The following TAF6 variants were observed in gnomAD, a reference collection of about 807,000 sequenced individuals.
TAF6 encodes the protein TATA-box binding protein associated factor 6.
TAF6 carries 50 observed loss-of-function variants against 73.5 expected under a neutral mutation model. That is an observed-to-expected ratio of 0.68 (90% confidence interval 0.54 to 0.86). TAF6 has a LOEUF of 0.86. TAF6 is among the 40% of genes least tolerant of loss of function. TAF6 has a pLI of 0.00. For missense variants in TAF6, 768 were observed against 899.5 expected (o/e 0.85, Z 1.87); for synonymous variants, 424 against 376.7 (o/e 1.13, Z -1.45).
chr7:100,124,732 A>G (rs1798167989), upstream of TAF6: 4 of 1,613,804 alleles, frequency 2.5e-6, no homozygotes, highest in East Asian at 2.2e-5. Context: ...TAGCATGTCT[A>G]CAGGAAACTT....
chr7:100,124,406 C>A (rs1191088563), upstream of TAF6: 1 of 803,774 alleles, frequency 1.2e-6, no homozygotes, highest in Non-Finnish European at 2.1e-6. Context: ...ACTTAGCTTC[C>A]TGGCTACCTG....
Position 100,112,919 on chromosome 7 carries a change from T to G in TAF6, c.455-2A>C. 1 of 1,611,168 alleles carries G rather than the reference T, an allele frequency of 6.2e-7. No homozygotes were observed. Among genetic ancestry groups the G allele is most frequent in the Non-Finnish European group, 8.5e-7 (1 of 1,178,460 alleles). On this transcript the variant is annotated splice_acceptor_variant, in intron 5 of 14. Transcript: ENST00000453269. LOFTEE classifies it high-confidence loss of function. Reference sequence around the variant, plus strand: ...CAGCCTTCTGTTGCTCTTTGGGAGCTGGTGGGAAAGCAGGCACAGCGGGAG... The same window carrying G: ...CAGCCTTCTGTTGCTCTTTGGGAGCGGGTGGGAAAGCAGGCACAGCGGGAG...
At chr7:100,124,408 G>A, upstream of TAF6, 1 of 815,392 alleles carries the variant, frequency 1.2e-6, no homozygotes, top group Non-Finnish European at 2.0e-6. Context: ...TTAGCTTCCT[G>A]GCTACCTGCC....
intron 13 of TAF6, 51 bp downstream of exon 13, chr7:100,108,316 A>AG: frequency 6.4e-7 from 1 of 1,550,666 alleles, no homozygotes; most frequent in Non-Finnish European, 8.7e-7. Context: ...TGTCCCACAC[A>AG]GGGGTTCTCC....
rs766556536 is a variant in TAF6 at position 100,108,509 on chromosome 7, C to T, written c.1316G>A (p.Arg439His). ...KHCAPVLAKL[R>H]PPPDNQDAYR... ...GGCGTCCTGATTGTCAGGCGGTGGG[C>T]GCAGCTTTGCCAGAACAGGAGCACA... The change falls in exon 13 of 15, where the codon CGC becomes CAC. Residue 439 changes from arginine (R) to histidine (H), a missense_variant. Arg to His is a conservative substitution (Grantham distance 29). This residue lies in a region of TAF6 where 350 missense variants were observed against 352.3 expected (regional missense o/e 0.99). Transcript: ENST00000453269. 4.2e-5 allele frequency: 67 copies of T among 1,612,404 alleles called. 1 individual carries two copies. In the South Asian group the frequency reaches 5.7e-4, roughly 14 times the overall value.
chr7:100,123,543 G>A (rs902524403), upstream of TAF6, among the ~76,000 whole-genome samples: 2 of 151,532 alleles, frequency 1.3e-5, no homozygotes, highest in East Asian at 1.9e-4. Context: ...TTTTCAAGAC[G>A]GAGTTTCACT....
intron 1 of TAF6, among the ~76,000 whole-genome samples, chr7:100,118,154 C>T (rs1329944751): frequency 6.6e-6 from 1 of 151,750 alleles, no homozygotes; most frequent in African/African-American, 2.4e-5. Flanking sequence ...GAGTTCGAGA[C>T]CACCCTGGCC....
At chr7:100,119,879 G>C, upstream of TAF6, 1 of 1,583,312 alleles carries the variant, frequency 6.3e-7, no homozygotes, top group Non-Finnish European at 8.6e-7. Context: ...GAAGGGGGTA[G>C]CCCCTATAGG....
Position 100,114,165 on chromosome 7 carries a change from G to A in TAF6, c.45C>T (p.Pro15=), listed in dbSNP as rs777080339. The change falls in exon 2 of 15, where the codon CCC becomes CCT. Residue 15 remains proline, a synonymous_variant. Coordinates refer to ENST00000453269, the MANE Select transcript of TAF6 (RefSeq NM_139315.3). ...CAGCCACCACCTTCATGGACTCCGA[G>A]GGCAGCACAGTGTTGCTAAGCTTCA... The part of the protein sequence containing the change: ...KKLKLSNTVL[P]SESMKVVAES... The A allele has an allele frequency of 7.4e-6, 12 of 1,614,116 alleles. No homozygotes were observed. The highest frequency in any genetic ancestry group is 1.0e-5 in the Non-Finnish European group (12 of 1,180,058).
rs199843455 is a variant in TAF6 at position 100,107,347 on chromosome 7, C to A, written c.1933G>T (p.Gly645Trp). The A allele has an allele frequency of 1.9e-5, 30 of 1,553,052 alleles. No individual in the cohort carries two copies. Among genetic ancestry groups the A allele is most frequent in the South Asian group, 2.4e-5 (2 of 81,908 alleles). The change falls in exon 15 of 15, where the codon GGG becomes TGG. Residue 645 changes from glycine (G) to tryptophan (W), a missense_variant. Physicochemically the swap from Gly to Trp is radical, Grantham distance 184 (BLOSUM62 -2). This residue lies in a region of TAF6 where 350 missense variants were observed against 352.3 expected (regional missense o/e 0.99). Transcript: ENST00000453269. The stretch of plus-strand genomic sequence containing the variant: ...CTGTCCCCAGCCTCCTGCTTCCCCC[C>A]ACAAAGGGCACTGCCGCTGAGTGGG... The part of the protein sequence containing the change: ...PSPLSGSALC[G>W]GKQEAGDSPP...
At chr7:100,113,199 C>T (rs1797358346) in intron 5 of TAF6, 150 bp downstream of exon 5, 2 of 824,534 alleles carry the variant, frequency 2.4e-6, no homozygotes, top group Non-Finnish European at 3.7e-6. Context: ...CCAGGAGGCA[C>T]AGGTTTGCAG....
chr7:100,119,496 C>A, upstream of TAF6: 3 of 1,353,316 alleles, frequency 2.2e-6, no homozygotes, highest in Non-Finnish European at 2.9e-6. Flanking sequence ...GGAGCACTCC[C>A]TCTTGGTGTA....
intron 10 of TAF6, among the ~76,000 whole-genome samples, chr7:100,110,817 A>G (rs1326398441): frequency 6.6e-6 from 1 of 151,996 alleles, no homozygotes; most frequent in Non-Finnish European, 1.5e-5. Flanking sequence ...ATCTCAAAAA[A>G]ACAAAAACAA....
chr7:100,124,550 G>C (rs60551236), upstream of TAF6: 24 of 1,612,474 alleles, frequency 1.5e-5, no homozygotes, highest in Admixed American at 4.0e-4. Context: ...AGACATTGTG[G>C]GAGACTGGTA....
intron 2 of TAF6, 31 bp from the exon 3 acceptor site, chr7:100,113,985 C>CA (rs1193465713): frequency 6.2e-7 from 1 of 1,614,112 alleles, no homozygotes; most frequent in South Asian, 1.1e-5. Context: ...GACATCAGCC[C>CA]AAAATCCTAA....
upstream of TAF6, among the ~76,000 whole-genome samples, chr7:100,121,572 C>T (rs762028533): frequency 2.6e-5 from 4 of 151,822 alleles, no homozygotes; most frequent in Non-Finnish European, 4.4e-5. Flanking sequence ...CTCAGCTTCC[C>T]GAGTAGCTAT....
chr7:100,124,228 G>C (rs956420285), upstream of TAF6, among the ~76,000 whole-genome samples: 15 of 151,642 alleles, frequency 9.9e-5, no homozygotes, highest in African/African-American at 2.9e-4. Flanking sequence ...CAGATACTTT[G>C]CATCTGTAGC....
the TAF6 span, chr7:100,126,645 G>C: frequency 2.6e-5 from 4 of 152,298 alleles, no homozygotes; most frequent in African/African-American, 7.2e-5. Flanking sequence ...AAAAGAGAAA[G>C]AAAAAATAGA....
chr7:100,110,135 T>G (rs1395704156), intron 11 of TAF6, 62 bp from the exon 12 acceptor site: 1 of 1,613,736 alleles, frequency 6.2e-7, no homozygotes, highest in Non-Finnish European at 8.5e-7. Flanking sequence ...CAGATGGGGG[T>G]ACAGTGCCCT....
Sources: allele counts gnomAD v4.1 joint callset (sites outside exome capture counted in the v4.1 genomes callset), GRCh38; gene constraint gnomAD v4.1.1; regional missense constraint gnomAD v4.1.1; transcripts MANE v1.5; gene names NCBI Gene and HGNC (gene_info 2026-07-23, HGNC 2026-07-21).